PSEN1: variants seen among roughly 807,000 people sequenced by gnomAD.
PSEN1 encodes presenilin-1.
Under a neutral mutation model 53.5 loss-of-function variants are expected in PSEN1, and 15 were observed. The ratio of observed to expected loss-of-function variants is 0.28; its 90% CI spans 0.19 to 0.43. The LOEUF (loss-of-function observed/expected upper bound fraction) is 0.43, where lower values mean the gene tolerates loss of function less well. Ranked by LOEUF, PSEN1 falls within the 20% of genes least tolerant of loss-of-function variation. The pLI, the probability that PSEN1 is intolerant of heterozygous loss-of-function variation, is 1.00. For synonymous variants in PSEN1, 208 were observed against 209.8 expected, an observed-to-expected ratio of 0.99 and a Z score of 0.08; for missense variants, 387 against 571.2, an observed-to-expected ratio of 0.68 and a Z score of 3.29.
chr14:73,148,617 C>T (rs551393986), intron 3 of PSEN1, among the ~76,000 whole-genome samples: 2 of 152,308 alleles, frequency 1.3e-5, no homozygotes, highest in East Asian at 3.9e-4. Context: ...TTGACTGCAA[C>T]TCTACTAGCT....
chr14:73,183,128 GT>G (rs1210573861), intron 5 of PSEN1, among the ~76,000 whole-genome samples: 2 of 151,632 alleles, frequency 1.3e-5, no homozygotes, highest in Non-Finnish European at 2.9e-5. Context: ...TACCTTTTTT[GT>G]TTTTTTGAGA....
At chr14:73,214,322 G>T (rs1390206902) in intron 10 of PSEN1, among the ~76,000 whole-genome samples, 2 of 152,156 alleles carry the variant, frequency 1.3e-5, no homozygotes, top group African/African-American at 4.8e-5. Flanking sequence ...CCTGAGATCA[G>T]GAGTTCGAGA....
At chr14:73,148,817 CAGCT>C (rs1432567682) in intron 3 of PSEN1, among the ~76,000 whole-genome samples, 4 of 152,158 alleles carry the variant, frequency 2.6e-5, no homozygotes, top group African/African-American at 9.6e-5. Flanking sequence ...CCTGTAATCC[CAGCT>C]ACTCAGGAGG....
At chr14:73,183,977 C>T (rs1380393299) in intron 5 of PSEN1, among the ~76,000 whole-genome samples, 3 of 134,812 alleles carry the variant, frequency 2.2e-5, no homozygotes, top group East Asian at 2.4e-4. Flanking sequence ...GGCAGAGGGG[C>T]TCCTCACTTC....
intron 5 of PSEN1, among the ~76,000 whole-genome samples, chr14:73,181,868 G>C (rs1011497904): frequency 2.6e-5 from 4 of 152,044 alleles, no homozygotes; most frequent in Non-Finnish European, 4.4e-5. Context: ...ATACCTCCTG[G>C]GTTCAAGCAA....
At chr14:73,152,767 G>T (rs887002197) in intron 3 of PSEN1, among the ~76,000 whole-genome samples, 3 of 152,120 alleles carry the variant, frequency 2.0e-5, no homozygotes, top group African/African-American at 7.2e-5. Context: ...TATTCGCTGG[G>T]CATGGTGGCT....
intron 10 of PSEN1, among the ~76,000 whole-genome samples, chr14:73,214,532 A>G (rs1315803816): frequency 9.0e-6 from 1 of 111,158 alleles, no homozygotes; most frequent in Non-Finnish European, 1.9e-5. Context: ...CTCCATCTCA[A>G]AAAAAAAAAA....
chr14:73,147,820 C>A lies in PSEN1; in HGVS notation c.-110C>A. On this transcript the variant is annotated 5_prime_UTR_variant, in exon 2 of 12. Transcript: ENST00000324501. ...ACCTAATCTGGGAGCCTGCAAGTGA[C>A]AACAGCCTTTGCGGTCCTTAGACAG... 1 of 588,650 alleles carries A rather than the reference C, an allele frequency of 1.7e-6. No homozygotes were observed. The highest frequency in any genetic ancestry group is 3.0e-6 in the Non-Finnish European group (1 of 328,498). The allele number at this position is 588,650 out of a possible 1,614,324, so 36.5% of individuals were successfully genotyped here.
chr14:73,155,530 G>C (rs1284894521), intron 3 of PSEN1, among the ~76,000 whole-genome samples: 1 of 151,744 alleles, frequency 6.6e-6, no homozygotes, highest in Non-Finnish European at 1.5e-5. Flanking sequence ...TTGAGACAGG[G>C]TCTCCTTCTA....
intron 6 of PSEN1, among the ~76,000 whole-genome samples, chr14:73,187,977 G>A (rs536642389): frequency 1.4e-4 from 21 of 152,146 alleles, no homozygotes; most frequent in African/African-American, 4.3e-4. Flanking sequence ...TGCCCAGGCT[G>A]GAGTGCAGTG....
intron 5 of PSEN1, among the ~76,000 whole-genome samples, chr14:73,185,587 AAG>A (rs1340010520): frequency 2.6e-5 from 4 of 151,820 alleles, no homozygotes; most frequent in African/African-American, 2.4e-5. Flanking sequence ...AGACCGTGGA[AAG>A]AGAGGGAGAG....
At chr14:73,151,353 A>G (rs538871034) in intron 3 of PSEN1, among the ~76,000 whole-genome samples, 1 of 152,144 alleles carries the variant, frequency 6.6e-6, no homozygotes, top group Non-Finnish European at 1.5e-5. Flanking sequence ...TTTCTCAAAG[A>G]TAGTTGCTGT....
At chr14:73,196,610 A>T (rs1402890888) in intron 7 of PSEN1, among the ~76,000 whole-genome samples, 2 of 149,852 alleles carry the variant, frequency 1.3e-5, no homozygotes, top group Non-Finnish European at 3.0e-5. Flanking sequence ...AGTAGCTGGG[A>T]CTATAGGCAC....
chr14:73,185,883 A>G (rs978494530), intron 5 of PSEN1, among the ~76,000 whole-genome samples: 1 of 152,208 alleles, frequency 6.6e-6, no homozygotes, highest in African/African-American at 2.4e-5. Context: ...AATAATAACA[A>G]AGACTAATGG....
At chr14:73,144,670 A>G (rs1173630915) in intron 1 of PSEN1, among the ~76,000 whole-genome samples, 2 of 152,184 alleles carry the variant, frequency 1.3e-5, no homozygotes, top group African/African-American at 4.8e-5. Context: ...TAAAGGGAAT[A>G]TCATAAATTA....
intron 7 of PSEN1, among the ~76,000 whole-genome samples, chr14:73,196,945 T>C (rs1898972926): frequency 6.7e-6 from 1 of 148,496 alleles, no homozygotes; most frequent in Non-Finnish European, 1.5e-5. Flanking sequence ...TTTTTTTTTT[T>C]TTTTTGAGAC....
intron 3 of PSEN1, among the ~76,000 whole-genome samples, chr14:73,163,800 T>G (rs564677663): frequency 6.6e-6 from 1 of 152,062 alleles, no homozygotes; most frequent in Admixed American, 6.5e-5. Flanking sequence ...GAGGAACAGT[T>G]TGTGGTCAGA....
At chr14:73,203,679 G>T (rs1300828250) in intron 8 of PSEN1, among the ~76,000 whole-genome samples, 1 of 151,960 alleles carries the variant, frequency 6.6e-6, no homozygotes, top group South Asian at 2.1e-4. Context: ...TACTTCTGTC[G>T]TTTGACAGAA....
intron 8 of PSEN1, among the ~76,000 whole-genome samples, chr14:73,205,478 CAAAAA>C (rs34992040): frequency 1.5e-5 from 1 of 64,678 alleles, no homozygotes; most frequent in African/African-American, 5.4e-5. Flanking sequence ...GACTCTGTCT[CAAAAA>C]AAAAAAAAAA....
Sources: allele counts gnomAD v4.1 joint callset (sites outside exome capture counted in the v4.1 genomes callset), GRCh38; gene constraint gnomAD v4.1.1; transcripts MANE v1.5; gene names NCBI Gene and HGNC (gene_info 2026-07-23, HGNC 2026-07-21).